SOX5: variants seen among roughly 807,000 people sequenced by gnomAD.
SOX5 encodes the protein transcription factor SOX-5.
Under a neutral mutation model 92.0 loss-of-function variants are expected in SOX5, and 9 were observed. The ratio of observed to expected loss-of-function variants is 0.10; its 90% CI spans 0.06 to 0.17. The LOEUF is 0.17. Ranked by LOEUF, SOX5 falls within the 10% of genes least tolerant of loss-of-function variation. SOX5 has a pLI of 1.00. For missense variants in SOX5, 642 were observed against 944.5 expected (o/e 0.68, Z 4.20); for synonymous variants, 344 against 336.3 (o/e 1.02, Z -0.25).
At chr12:23,806,429 G>C (rs2095771982) in intron 3 of SOX5, among the ~76,000 whole-genome samples, 1 of 152,116 alleles carries the variant, frequency 6.6e-6, no homozygotes, top group South Asian at 2.1e-4. Flanking sequence ...ACAGGTGGTA[G>C]AGACATGTTT....
At chr12:23,912,253 C>G (rs2097360110) in intron 1 of SOX5, among the ~76,000 whole-genome samples, 1 of 152,088 alleles carries the variant, frequency 6.6e-6, no homozygotes, top group African/African-American at 2.4e-5. Flanking sequence ...AGAAGATGCT[C>G]AACAGCATTA....
At chr12:24,045,012 T>C (rs937867184) in intron 4 of SOX5, among the ~76,000 whole-genome samples, 9 of 151,942 alleles carry the variant, frequency 5.9e-5, no homozygotes, top group African/African-American at 2.2e-4. Flanking sequence ...AAACAAAGAG[T>C]GGGTTCCAAA....
At chr12:24,219,496 G>A (rs1959879528) in intron 3 of SOX5, among the ~76,000 whole-genome samples, 1 of 151,998 alleles carries the variant, frequency 6.6e-6, no homozygotes, top group African/African-American at 2.4e-5. Context: ...ACATAAAATT[G>A]AAGTTCCCCA....
At position 23,760,495 on chromosome 12, in the gene SOX5, C is replaced by G. The variant is rs148251612; in HGVS notation, c.482-4771G>C. 4.0e-3 allele frequency among the ~76,000 whole-genome samples: 614 copies of G among 152,236 alleles called. 4 individuals are homozygous for G. The highest frequency in any genetic ancestry group is 0.014 in the African/African-American group (578 of 41,568). ...GAGTCTAATTGGCTCGCTATTGTTTCTTTCTGCCAACAGGACCCTTCTGAT... is the reference window on the plus strand; with the variant it reads ...GAGTCTAATTGGCTCGCTATTGTTTGTTTCTGCCAACAGGACCCTTCTGAT... On this transcript the variant is annotated intron_variant, in intron 3 of 14. Coordinates refer to ENST00000451604, the MANE Select transcript of SOX5 (RefSeq NM_006940.6).
chr12:23,914,602 T>C (rs12312148), intron 1 of SOX5, among the ~76,000 whole-genome samples: 2,313 of 152,218 alleles, frequency 0.015, 56 homozygotes, highest in African/African-American at 0.052. Context: ...AATATGTAAA[T>C]GTAAGCAGTA....
chr12:23,971,574 T>C (rs1490317893), intron 4 of SOX5, among the ~76,000 whole-genome samples: 2 of 151,008 alleles, frequency 1.3e-5, no homozygotes, highest in Admixed American at 6.6e-5. Context: ...AATTATATCA[T>C]TGATTCACAG....
At chr12:23,713,830 C>A (rs1593556761) in intron 6 of SOX5, among the ~76,000 whole-genome samples, 1 of 150,788 alleles carries the variant, frequency 6.6e-6, no homozygotes, top group East Asian at 1.9e-4. Flanking sequence ...TGGTGGCTCA[C>A]ACTGTAATCC....
At chr12:24,501,536 T>C (rs550112963) in intron 1 of SOX5, among the ~76,000 whole-genome samples, 4 of 152,240 alleles carry the variant, frequency 2.6e-5, no homozygotes, top group Admixed American at 1.3e-4. Context: ...CAAAAACAAA[T>C]ACATTTCAGC....
intron 3 of SOX5, among the ~76,000 whole-genome samples, chr12:23,821,922 T>C (rs1435971288): frequency 1.7e-5 from 2 of 116,666 alleles, no homozygotes; most frequent in African/African-American, 6.1e-5. Context: ...GTGTTTATAG[T>C]ATTCTCCGAT....
intron 11 of SOX5, among the ~76,000 whole-genome samples, chr12:23,549,980 A>G (rs2136132664): frequency 6.6e-6 from 1 of 152,134 alleles, no homozygotes; most frequent in Non-Finnish European, 1.5e-5. Flanking sequence ...GACATACAGA[A>G]AACTATTATT....
intron 1 of SOX5, among the ~76,000 whole-genome samples, chr12:23,903,178 G>A (rs1321904690): frequency 6.6e-6 from 1 of 152,092 alleles, no homozygotes; most frequent in Non-Finnish European, 1.5e-5. Context: ...TAAGGTGCAT[G>A]CCTTTTTAAA....
intron 1 of SOX5, among the ~76,000 whole-genome samples, chr12:24,500,433 T>A (rs1314526106): frequency 6.6e-6 from 1 of 152,180 alleles, no homozygotes; most frequent in African/African-American, 2.4e-5. Flanking sequence ...AAGTTTCTTT[T>A]TAAACGACAT....
chr12:24,078,258 G>A (rs1249414174), intron 4 of SOX5, among the ~76,000 whole-genome samples: 1 of 152,000 alleles, frequency 6.6e-6, no homozygotes, highest in Non-Finnish European at 1.5e-5. Flanking sequence ...TATGGAAGAG[G>A]GGAGAGAGAG....
intron 3 of SOX5, among the ~76,000 whole-genome samples, chr12:24,235,737 T>A (rs1217542052): frequency 2.0e-5 from 3 of 152,208 alleles, no homozygotes; most frequent in Non-Finnish European, 4.4e-5. Context: ...TATCTCTAAT[T>A]TTCCATAGTC....
intron 2 of SOX5, among the ~76,000 whole-genome samples, chr12:24,310,415 T>C (rs777437498): frequency 2.0e-5 from 3 of 152,214 alleles, no homozygotes; most frequent in Non-Finnish European, 2.9e-5. Context: ...CTTTACATTA[T>C]AAATATTTAA....
rs773921598 is a variant in SOX5, at chr12:24,200,352, A to T, written c.-2+12991T>A. On this transcript the variant is annotated intron_variant, in intron 4 of 4. Coordinates refer to the SOX5 transcript ENST00000446891. Reference sequence around the variant, plus strand: ...TCTCAATCATTGGTGATTAGATTAAATTTTAAGTTCTGTAAGATCTTTATA... The same window carrying T: ...TCTCAATCATTGGTGATTAGATTAATTTTTAAGTTCTGTAAGATCTTTATA... Among the ~76,000 whole-genome samples the T allele has an allele frequency of 1.2e-4, 18 of 152,322 alleles. 1 individual carries two copies. Among genetic ancestry groups the T allele is most frequent in the East Asian group, 3.9e-4 (2 of 5,186 alleles).
chr12:23,877,706 G>A (rs1210599548), intron 2 of SOX5, among the ~76,000 whole-genome samples: 1 of 152,038 alleles, frequency 6.6e-6, no homozygotes, highest in Non-Finnish European at 1.5e-5. Context: ...GATATACTAT[G>A]AATTGCTTTC....
chr12:23,835,752 A>C (rs1257724691), intron 3 of SOX5, among the ~76,000 whole-genome samples: 2 of 151,880 alleles, frequency 1.3e-5, no homozygotes, highest in Non-Finnish European at 2.9e-5. Flanking sequence ...ATTATTTGGC[A>C]AAATCTCTCA....
chr12:24,048,495 C>T (rs1444924729), intron 4 of SOX5, among the ~76,000 whole-genome samples: 1 of 151,882 alleles, frequency 6.6e-6, no homozygotes, highest in Admixed American at 6.6e-5. Flanking sequence ...AGGCATATAC[C>T]CAAGAAAAAT....
Sources: allele counts gnomAD v4.1 joint callset (sites outside exome capture counted in the v4.1 genomes callset), GRCh38; gene constraint gnomAD v4.1.1; transcripts MANE v1.5; gene names NCBI Gene and HGNC (gene_info 2026-07-23, HGNC 2026-07-21).